PCBP2: variants seen among roughly 807,000 people sequenced by gnomAD.
PCBP2 encodes poly(rC)-binding protein 2.
Under a neutral mutation model 50.1 loss-of-function variants are expected in PCBP2, and 4 were observed. That is an observed-to-expected ratio of 0.08 (90% confidence interval 0.04 to 0.18). The LOEUF (loss-of-function observed/expected upper bound fraction) is 0.18, where lower values mean the gene tolerates loss of function less well. Ranked by LOEUF, PCBP2 falls within the 10% of genes least tolerant of loss-of-function variation. PCBP2 has a pLI of 1.00. For missense variants in PCBP2, 161 were observed against 474.3 expected (o/e 0.34, Z 6.14); for synonymous variants, 179 against 168.0 (o/e 1.07, Z -0.51).
At chr12:53,454,665 A>G in intron 1 of PCBP2, 61 bp from the exon 2 acceptor site, 1 of 672,944 alleles carries the variant, frequency 1.5e-6, no homozygotes, top group Non-Finnish European at 2.7e-6. Context: ...GGTGAAAATA[A>G]CTTGGGAAAT....
Position 53,471,406 on chromosome 12 carries a change from C to T in PCBP2, c.883-232C>T, listed in dbSNP as rs1332387845. 8.6e-5 allele frequency among the ~76,000 whole-genome samples: 13 copies of T among 151,984 alleles called. No individual in the cohort carries two copies. In the East Asian group the frequency reaches 1.2e-3, roughly 14 times the overall value. On this transcript the variant is annotated intron_variant, in intron 13 of 14. Transcript: ENST00000546463. ...CATCCTGGCCAACATGGTGAAACCC[C>T]GTCTCTACTAAAAATACAAAAATTG...
At chr12:53,456,457 CAAA>C (rs111399555) in intron 5 of PCBP2, among the ~76,000 whole-genome samples, 3 of 127,830 alleles carry the variant, frequency 2.3e-5, no homozygotes, top group Admixed American at 1.6e-4. Context: ...GACTCTGTCT[CAAA>C]AAAAAAAAAA....
chr12:53,461,172 G>T (rs371307964), intron 7 of PCBP2, 29 bp downstream of exon 7: 1 of 1,611,808 alleles, frequency 6.2e-7, no homozygotes, highest in South Asian at 1.1e-5. Flanking sequence ...GCTGAAAATG[G>T]GGGGAGGGCC....
intron 5 of PCBP2, among the ~76,000 whole-genome samples, chr12:53,457,995 C>T (rs953949018): frequency 6.6e-6 from 1 of 152,128 alleles, no homozygotes; most frequent in African/African-American, 2.4e-5. Context: ...GTGGTGGGTT[C>T]CCGGCTCACC....
At chr12:53,464,905 G>C (rs1183488332) in intron 9 of PCBP2, 53 bp downstream of exon 9, 1 of 1,539,216 alleles carries the variant, frequency 6.5e-7, no homozygotes. Flanking sequence ...CGCCTCAGCC[G>C]AGACTGCCAA....
intron 6 of PCBP2, among the ~76,000 whole-genome samples, 160 bp downstream of exon 6, chr12:53,459,563 A>G (rs375995764): frequency 3.3e-4 from 50 of 152,364 alleles, no homozygotes; most frequent in African/African-American, 1.1e-3. Context: ...CTCATGCAAT[A>G]GAATTATTTT....
intron 14 of PCBP2, among the ~76,000 whole-genome samples, chr12:53,472,037 T>A (rs1942279861): frequency 6.6e-6 from 1 of 150,484 alleles, no homozygotes; most frequent in Admixed American, 6.7e-5. Context: ...CGCATTTAAC[T>A]TGATGGTTTG....
At chr12:53,466,720 T>G (rs1321221333) in intron 10 of PCBP2, among the ~76,000 whole-genome samples, 2 of 152,118 alleles carry the variant, frequency 1.3e-5, no homozygotes, top group African/African-American at 4.8e-5. Context: ...GCTGTAGTAG[T>G]CAGTGGTGGC....
chr12:53,469,016 C>G (rs1258856582), intron 13 of PCBP2, among the ~76,000 whole-genome samples, 184 bp downstream of exon 13: 1 of 150,958 alleles, frequency 6.6e-6, no homozygotes, highest in Non-Finnish European at 1.5e-5. Context: ...AATTCTCCTG[C>G]CTCAACCTCC....
chr12:53,454,770 CA>C lies in PCBP2; in HGVS notation c.-28del, dbSNP rs769169181. The C allele has an allele frequency of 1.2e-6, 2 of 1,606,220 alleles. No individual in the cohort carries two copies. The highest frequency in any genetic ancestry group is 1.1e-5 in the South Asian group (1 of 90,850). ...ACCAGTGACCAAAGACTTGACCACT[CA>C]AAGTCCAGCTCCCCAGAACACTGCT... On this transcript the variant is annotated 5_prime_UTR_variant, in exon 2 of 15. Coordinates refer to ENST00000546463, the MANE Select transcript of PCBP2 (RefSeq NM_031989.5).
At chr12:53,472,104 C>G (rs530898324) in intron 14 of PCBP2, among the ~76,000 whole-genome samples, 17 of 152,090 alleles carry the variant, frequency 1.1e-4, no homozygotes, top group Non-Finnish European at 2.1e-4. Flanking sequence ...AGAGCACTCA[C>G]AAAATCAAAT....
chr12:53,461,265 T>A (rs1941425454), intron 7 of PCBP2, 122 bp downstream of exon 7: 1 of 1,095,858 alleles, frequency 9.1e-7, no homozygotes, highest in Admixed American at 2.4e-5. Flanking sequence ...GGGGTGGGGC[T>A]AAAAGGTTCC....
At chr12:53,454,680 A>G (rs1171766141) in intron 1 of PCBP2, 46 bp from the exon 2 acceptor site, 10 of 711,948 alleles carry the variant, frequency 1.4e-5, no homozygotes, top group East Asian at 1.0e-4. Flanking sequence ...GGAAATAATA[A>G]CCTTGTTGTT....
Position 53,459,166 on chromosome 12 carries a change from C to T in PCBP2, c.244-106C>T, listed in dbSNP as rs143248197. 6.0e-4 allele frequency: 539 copies of T among 901,008 alleles called. 2 individuals are homozygous for T. The highest frequency in any genetic ancestry group is 6.1e-4 in the Non-Finnish European group (389 of 635,828). The allele number at this position is 901,008 out of a possible 1,614,324, so 55.8% of individuals were successfully genotyped here. A position where few individuals can be genotyped will look rare whatever the true frequency, so the allele number is the denominator to read the frequency against. On this transcript the variant is annotated intron_variant, in intron 5 of 14. Transcript: ENST00000546463. Reference sequence around the variant, plus strand: ...TTTTGTCTATGGTGGATTATGACCTCGCATGTCCTAATAAGATCACTTACC... The same window carrying T: ...TTTTGTCTATGGTGGATTATGACCTTGCATGTCCTAATAAGATCACTTACC...
intron 14 of PCBP2, chr12:53,474,957 T>C (rs757652230): frequency 1.3e-5 from 6 of 455,844 alleles, no homozygotes; most frequent in Non-Finnish European, 1.8e-5. Context: ...CTCCACCCCT[T>C]CTTCTTCTTC....
intron 1 of PCBP2, chr12:53,452,857 G>GT: frequency 6.6e-6 from 1 of 152,120 alleles, no homozygotes; most frequent in Middle Eastern, 3.4e-3. Flanking sequence ...GTCGAGGGAA[G>GT]GGGGGGCTTT....
intron 8 of PCBP2, 65 bp from the exon 9 acceptor site, chr12:53,464,695 T>A: frequency 1.9e-6 from 3 of 1,571,598 alleles, no homozygotes; most frequent in Non-Finnish European, 1.7e-6. Flanking sequence ...TTGTGTGAAT[T>A]TCATGCTGGT....
Position 53,456,020 on chromosome 12 carries a change from C to T in PCBP2, c.243+19C>T, listed in dbSNP as rs765331231. ...GGAAGAGGTTTGTTGTCTCCCACTC[C>T]CTCATTCTTCATTTTTAAGTGCTTC... is the stretch of plus-strand genomic sequence containing the variant. On this transcript the variant is annotated intron_variant, in intron 5 of 14. Coordinates refer to ENST00000546463, the MANE Select transcript of PCBP2 (RefSeq NM_031989.5). The T allele has an allele frequency of 4.2e-5, 58 of 1,386,646 alleles. No individual in the cohort carries two copies. Among genetic ancestry groups the T allele is most frequent in the Non-Finnish European group, 5.2e-5 (51 of 973,780 alleles). The allele number at this position is 1,386,646 out of a possible 1,614,324, so 85.9% of individuals were successfully genotyped here. A position where few individuals can be genotyped will look rare whatever the true frequency, so the allele number is the denominator to read the frequency against.
At chr12:53,466,849 C>T (rs1214488410) in intron 10 of PCBP2, among the ~76,000 whole-genome samples, 1 of 152,056 alleles carries the variant, frequency 6.6e-6, no homozygotes, top group Non-Finnish European at 1.5e-5. Context: ...TGTGTTTTCC[C>T]TAGCACCACT....
Sources: gnomAD v4.1 joint callset for allele counts (sites outside exome capture counted in the v4.1 genomes callset) on GRCh38, gnomAD v4.1.1 for gene constraint, MANE v1.5 for transcripts, NCBI Gene and HGNC (gene_info 2026-07-23, HGNC 2026-07-21) for gene names.